BIRC6: variants seen among roughly 807,000 people sequenced by gnomAD.
The protein encoded by BIRC6 is baculoviral IAP repeat containing 6.
Under a neutral mutation model 503.3 loss-of-function variants are expected in BIRC6, and 98 were observed. The observed-to-expected ratio is 0.19, with a 90% CI of 0.17 to 0.23. The LOEUF is 0.23. Among genes scored for constraint, BIRC6 ranks in the 10% least tolerant of loss-of-function variants. The probability of loss-of-function intolerance (pLI) is 1.00; values close to 1 mark genes in which losing one functional copy is unlikely to be tolerated. For missense variants in BIRC6, 5,360 were observed against 5,806.0 expected, an observed-to-expected ratio of 0.92 and a Z score of 2.50; for synonymous variants, 2,240 against 2,078.7, an observed-to-expected ratio of 1.08 and a Z score of -2.11.
chr2:32,485,635 T>C lies in BIRC6; in HGVS notation c.7697-8T>C. ...ATGTTTTCTTTTTCTTTCAATTGCT[T>C]TTTGTAGCCCTGGATGCTCGCCTAG... On this transcript the variant is annotated splice_region_variant and splice_polypyrimidine_tract_variant and intron_variant, in intron 39 of 73. Coordinates refer to ENST00000421745, the MANE Select transcript of BIRC6 (RefSeq NM_016252.4). The C allele has an allele frequency of 6.3e-7, 1 of 1,588,642 alleles. No homozygotes were observed. The highest frequency in any genetic ancestry group is 8.6e-7 in the Non-Finnish European group (1 of 1,160,586).
At chr2:32,376,190 A>G (rs2036755275) in intron 1 of BIRC6, among the ~76,000 whole-genome samples, 1 of 151,476 alleles carries the variant, frequency 6.6e-6, no homozygotes, top group Admixed American at 6.6e-5. Context: ...GGTCTCAAAA[A>G]AAAAAAAAAA....
At position 32,531,420 on chromosome 2, in the gene BIRC6, G is replaced by A. The variant is rs2056745197; in HGVS notation, c.12160G>A (p.Asp4054Asn). ...EALTPGDECM[D>N]GILDESLLET... ...TCTCACTCCAGGTGATGAATGCATG[G>A]ATGGGATACTGGATGAATCTTTGCT... Residue 4054 changes from aspartate to asparagine, a missense_variant, in exon 61 of 74, where the codon GAT becomes AAT. Asp to Asn is a conservative substitution (Grantham distance 23). Around this residue, in one of 16 missense-constraint regions of BIRC6, gnomAD observed 878 missense variants for 928.9 expected, o/e 0.95. Transcript: ENST00000421745. The A allele has an allele frequency of 6.2e-7, 1 of 1,613,888 alleles. No homozygotes were observed. The highest frequency in any genetic ancestry group is 8.5e-7 in the Non-Finnish European group (1 of 1,179,834).
chr2:32,566,008 C>T (rs1428105185), intron 65 of BIRC6: 1 of 152,138 alleles, frequency 6.6e-6, no homozygotes, highest in East Asian at 1.9e-4. Context: ...AACCATATCA[C>T]ATAGTCTCCC....
At chr2:32,535,176 A>G (rs1285307994) in intron 61 of BIRC6, among the ~76,000 whole-genome samples, 1 of 146,648 alleles carries the variant, frequency 6.8e-6, no homozygotes, top group Non-Finnish European at 1.5e-5. Flanking sequence ...AAAAAAAAAA[A>G]GCTAAGACAA....
chr2:32,365,931 C>T (rs1245358099), intron 1 of BIRC6, among the ~76,000 whole-genome samples: 1 of 152,046 alleles, frequency 6.6e-6, no homozygotes, highest in Non-Finnish European at 1.5e-5. Flanking sequence ...GTTGCCCAGG[C>T]TGGAGTGCAG....
chr2:32,441,649 C>T (rs955347730), intron 17 of BIRC6, among the ~76,000 whole-genome samples, 187 bp downstream of exon 17: 3 of 151,664 alleles, frequency 2.0e-5, no homozygotes, highest in South Asian at 2.1e-4. Flanking sequence ...CTCTAGTGTC[C>T]GCACAGTGCT....
intron 8 of BIRC6, 30 bp from the exon 9 acceptor site, chr2:32,406,469 C>T: frequency 1.3e-6 from 2 of 1,552,070 alleles, no homozygotes; most frequent in Non-Finnish European, 1.8e-6. Flanking sequence ...TTTTGAAATT[C>T]AAATTGTTTA....
At chr2:32,373,362 A>G (rs1255925958) in intron 1 of BIRC6, among the ~76,000 whole-genome samples, 1 of 152,250 alleles carries the variant, frequency 6.6e-6, no homozygotes, top group South Asian at 2.1e-4. Flanking sequence ...AGTAATCAAT[A>G]TAGCAAAGTA....
At chr2:32,391,053 A>G (rs1249369752) in intron 4 of BIRC6, among the ~76,000 whole-genome samples, 1 of 151,794 alleles carries the variant, frequency 6.6e-6, no homozygotes, top group African/African-American at 2.4e-5. Flanking sequence ...CGTAATTAGA[A>G]CAAGTGCTTC....
At chr2:32,398,829 G>T (rs998504493) in intron 6 of BIRC6, among the ~76,000 whole-genome samples, 2 of 152,092 alleles carry the variant, frequency 1.3e-5, no homozygotes, top group Non-Finnish European at 2.9e-5. Flanking sequence ...AGCTGGGAGG[G>T]AACCTGGCCC....
chr2:32,428,024 T>C (rs2043716443), intron 10 of BIRC6, among the ~76,000 whole-genome samples: 1 of 152,256 alleles, frequency 6.6e-6, no homozygotes, highest in Non-Finnish European at 1.5e-5. Flanking sequence ...TTGTTTCTTA[T>C]TTTGTTTCTT....
intron 58 of BIRC6, 52 bp downstream of exon 58, chr2:32,525,071 A>T: frequency 7.2e-7 from 1 of 1,386,150 alleles, no homozygotes; most frequent in Non-Finnish European, 9.4e-7. Context: ...TCTATAAAAT[A>T]TTAGAATTTT....
chr2:32,604,133 A>G (rs1437457440), intron 71 of BIRC6, among the ~76,000 whole-genome samples: 2 of 152,126 alleles, frequency 1.3e-5, no homozygotes, highest in Non-Finnish European at 2.9e-5. Flanking sequence ...AAGTTATGTA[A>G]TTCTCTCATT....
At chr2:32,474,440 A>C (rs1002607990) in intron 33 of BIRC6, among the ~76,000 whole-genome samples, 1 of 152,222 alleles carries the variant, frequency 6.6e-6, no homozygotes, top group Non-Finnish European at 1.5e-5. Flanking sequence ...TTTGTCTGTA[A>C]AATATCATTA....
chr2:32,535,640 A>C (rs545438657), intron 61 of BIRC6, among the ~76,000 whole-genome samples: 20 of 152,238 alleles, frequency 1.3e-4, no homozygotes, highest in South Asian at 4.1e-4. Flanking sequence ...TGAACTCATC[A>C]TTTTTTATGG....
chr2:32,476,406 T>TA, intron 34 of BIRC6, 62 bp downstream of exon 34: 1 of 1,481,000 alleles, frequency 6.8e-7, no homozygotes, highest in Non-Finnish European at 9.0e-7. Flanking sequence ...GATCTTTAAT[T>TA]ACGATCGAGA....
chr2:32,538,301 A>G (rs1320197069), intron 61 of BIRC6, among the ~76,000 whole-genome samples: 1 of 152,218 alleles, frequency 6.6e-6, no homozygotes, highest in Admixed American at 6.5e-5. Flanking sequence ...TTTTGAGAGC[A>G]GGCATGAACT....
chr2:32,538,247 T>G (rs1266526009), intron 61 of BIRC6, among the ~76,000 whole-genome samples: 1 of 152,144 alleles, frequency 6.6e-6, no homozygotes, highest in African/African-American at 2.4e-5. Context: ...GAGCTCCAAA[T>G]TCTGCACATC....
rs575287713 is a variant in BIRC6, at chr2:32,534,322, C to T, written c.12291+2771C>T. Among the ~76,000 whole-genome samples the T allele has an allele frequency of 1.7e-4, 24 of 142,856 alleles. No individual in the cohort carries two copies. The East Asian group carries it at 3.9e-3, about 23-fold the overall frequency. 93.7% of individuals were successfully genotyped at this position (142,856 alleles called of 152,430 possible). ...CCGGGAGGTGGAGGTTGCAGTGAGC[C>T]GAGATGGCTTCATTGCACTCAAGCT... On this transcript the variant is annotated intron_variant, in intron 61 of 73. Coordinates refer to ENST00000421745, the MANE Select transcript of BIRC6 (RefSeq NM_016252.4).
Sources: gnomAD v4.1 joint callset for allele counts (sites outside exome capture counted in the v4.1 genomes callset) on GRCh38, gnomAD v4.1.1 for gene constraint, gnomAD v4.1.1 regional missense constraint, MANE v1.5 for transcripts, NCBI Gene and HGNC (gene_info 2026-07-23, HGNC 2026-07-21) for gene names.